Variants in ZBTB20 observed in about 807,000 individuals in gnomAD.
ZBTB20 encodes zinc finger and BTB domain-containing protein 20.
In ZBTB20, 9 loss-of-function variants were observed where a neutral mutation model predicts 56.9. The ratio of observed to expected loss-of-function variants is 0.16; its 90% CI spans 0.10 to 0.28. The LOEUF is 0.28. Ranked by LOEUF, ZBTB20 falls within the 10% of genes least tolerant of loss-of-function variation. The pLI, the probability that ZBTB20 is intolerant of heterozygous loss-of-function variation, is 1.00. For synonymous variants in ZBTB20, 417 were observed against 420.7 expected, an observed-to-expected ratio of 0.99 and a Z score of 0.11; for missense variants, 655 against 1,003.0, an observed-to-expected ratio of 0.65 and a Z score of 4.69.
At chr3:114,794,794 T>C (rs2071227248) in intron 5 of ZBTB20, among the ~76,000 whole-genome samples, 1 of 152,124 alleles carries the variant, frequency 6.6e-6, no homozygotes, top group Non-Finnish European at 1.5e-5. Flanking sequence ...TGGATTGTTC[T>C]TCAATCCAGA....
At chr3:114,404,477 C>CG (rs1470841765) in intron 7 of ZBTB20, among the ~76,000 whole-genome samples, 4 of 152,170 alleles carry the variant, frequency 2.6e-5, no homozygotes, top group Admixed American at 6.5e-5. Flanking sequence ...AACATCCTAA[C>CG]GCCGAGGGGA....
intron 4 of ZBTB20, among the ~76,000 whole-genome samples, chr3:114,828,163 A>G (rs1287836370): frequency 6.6e-6 from 1 of 151,782 alleles, no homozygotes; most frequent in Admixed American, 6.6e-5. Context: ...AGAAAGTCTG[A>G]TTGTCAAATA....
intron 7 of ZBTB20, among the ~76,000 whole-genome samples, chr3:114,479,827 G>T (rs1339395534): frequency 2.0e-5 from 3 of 152,132 alleles, no homozygotes; most frequent in Non-Finnish European, 4.4e-5. Context: ...CAAAGTCCAG[G>T]ACACCATCAC....
At position 114,760,011 on chromosome 3, in the gene ZBTB20, A is replaced by T. The variant is rs530063022; in HGVS notation, c.-343+41090T>A. Among the ~76,000 whole-genome samples the T allele has an allele frequency of 1.7e-4, 26 of 152,340 alleles. 2 individuals are homozygous for T. The South Asian group carries it at 5.4e-3, about 32-fold the overall frequency. On this transcript the variant is annotated intron_variant, in intron 5 of 11. Transcript: ENST00000675478. ...TCGGGGTAAAAAAGAATATACAGAG[A>T]TTAAAAAATATGTTTTTCAAAGATT...
chr3:114,989,042 T>G (rs1026724677), intron 2 of ZBTB20, among the ~76,000 whole-genome samples: 3 of 152,156 alleles, frequency 2.0e-5, no homozygotes, highest in African/African-American at 7.2e-5. Flanking sequence ...TTTCTCCCAT[T>G]CTGTAGGTTG....
intron 5 of ZBTB20, among the ~76,000 whole-genome samples, chr3:114,704,855 T>C (rs2063617166): frequency 6.6e-6 from 1 of 152,128 alleles, no homozygotes; most frequent in South Asian, 2.1e-4. Flanking sequence ...ATTGAAAGGA[T>C]GAAAACAATT....
chr3:114,844,329 A>C (rs1288688092), intron 4 of ZBTB20, among the ~76,000 whole-genome samples: 1 of 79,408 alleles, frequency 1.3e-5, no homozygotes, highest in Non-Finnish European at 2.3e-5. Context: ...TTACTGGAGT[A>C]AATATATATA....
intron 1 of ZBTB20, among the ~76,000 whole-genome samples, chr3:115,119,707 A>C (rs2084125608): frequency 6.6e-6 from 1 of 152,162 alleles, no homozygotes; most frequent in Non-Finnish European, 1.5e-5. Context: ...ATTTATTTGA[A>C]AGTTCTAAAT....
intron 6 of ZBTB20, among the ~76,000 whole-genome samples, chr3:114,628,575 A>G (rs1302585831): frequency 1.3e-5 from 2 of 152,092 alleles, no homozygotes; most frequent in African/African-American, 4.8e-5. Flanking sequence ...TGCAGTTCTT[A>G]TTTCACCTCC....
chr3:114,612,195 C>A (rs761429471), intron 6 of ZBTB20, among the ~76,000 whole-genome samples: 4 of 152,150 alleles, frequency 2.6e-5, no homozygotes, highest in African/African-American at 7.2e-5. Context: ...TAAAGTTCTC[C>A]GTCTACTATT....
intron 6 of ZBTB20, among the ~76,000 whole-genome samples, chr3:114,586,143 TCC>T (rs2055153246): frequency 6.6e-6 from 1 of 152,210 alleles, no homozygotes; most frequent in African/African-American, 2.4e-5. Context: ...GGGAAATGGT[TCC>T]TCCATGTTTA....
At chr3:115,005,638 G>A (rs2079433277) in intron 2 of ZBTB20, among the ~76,000 whole-genome samples, 1 of 151,776 alleles carries the variant, frequency 6.6e-6, no homozygotes. Context: ...ACCAAAGAGA[G>A]AGAGTAGGTA....
chr3:114,885,288 C>T (rs1324740219), intron 4 of ZBTB20, among the ~76,000 whole-genome samples: 2 of 152,192 alleles, frequency 1.3e-5, no homozygotes, highest in African/African-American at 2.4e-5. Context: ...ATTTCTTGTA[C>T]ACAAGATCTT....
At chr3:114,583,968 T>C (rs1007898125) in intron 6 of ZBTB20, among the ~76,000 whole-genome samples, 3 of 152,190 alleles carry the variant, frequency 2.0e-5, no homozygotes. Flanking sequence ...TTAAACATCT[T>C]TGGGTCTCAA....
rs182507979 is a variant in ZBTB20, at chr3:114,325,972, C to G, written c.*13033G>C. 3.2e-4 allele frequency: 48 copies of G among 152,150 alleles called. No homozygotes were observed. Among genetic ancestry groups the G allele is most frequent in the African/African-American group, 1.1e-3 (46 of 41,498 alleles). 9.4% of individuals were successfully genotyped at this position (152,150 alleles called of 1,614,324 possible). A position where few individuals can be genotyped will look rare whatever the true frequency, so the allele number is the denominator to read the frequency against. On this transcript the variant is annotated 3_prime_UTR_variant, in exon 12 of 12. Transcript: ENST00000675478. ...ATGCAGTGCCAATCTCCCTCTGTTACTGTTCCCTCTAGTGCCTGGGGTTGG... is the reference window on the plus strand; with the variant it reads ...ATGCAGTGCCAATCTCCCTCTGTTAGTGTTCCCTCTAGTGCCTGGGGTTGG...
chr3:114,923,207 A>G (rs1237615984), intron 3 of ZBTB20, among the ~76,000 whole-genome samples: 2 of 152,232 alleles, frequency 1.3e-5, no homozygotes, highest in African/African-American at 4.8e-5. Flanking sequence ...TATTTTTTAC[A>G]GAAATAGACA....
At chr3:114,539,564 G>C (rs2048875426) in intron 6 of ZBTB20, among the ~76,000 whole-genome samples, 1 of 152,104 alleles carries the variant, frequency 6.6e-6, no homozygotes, top group East Asian at 1.9e-4. Context: ...CTCGAGGACA[G>C]AATGAGCTCC....
At chr3:114,383,414 T>G (rs1188403017) in intron 8 of ZBTB20, among the ~76,000 whole-genome samples, 1 of 152,236 alleles carries the variant, frequency 6.6e-6, no homozygotes, top group Non-Finnish European at 1.5e-5. Context: ...TTGTTCTTCA[T>G]ATCAATGCCC....
At chr3:114,706,789 C>G (rs1269686967) in intron 5 of ZBTB20, among the ~76,000 whole-genome samples, 15 of 151,984 alleles carry the variant, frequency 9.9e-5, no homozygotes, top group Non-Finnish European at 1.5e-5. Flanking sequence ...GCTGAGATAA[C>G]AAGGGTGAGT....
Sources: allele counts gnomAD v4.1 joint callset (sites outside exome capture counted in the v4.1 genomes callset), GRCh38; gene constraint gnomAD v4.1.1; transcripts MANE v1.5; gene names NCBI Gene and HGNC (gene_info 2026-07-23, HGNC 2026-07-21).